Variants in LPP observed in about 807,000 individuals in gnomAD.
LPP encodes lipoma-preferred partner.
A neutral mutation model predicts 60.4 loss-of-function variants in LPP; 38 were observed. That is an observed-to-expected ratio of 0.63 (90% CI 0.49 to 0.83). LPP has a LOEUF of 0.83. LPP is among the 40% of genes least tolerant of loss of function. The pLI, the probability that LPP is intolerant of heterozygous loss-of-function variation, is 0.00. For missense variants in LPP, 902 were observed against 783.6 expected (o/e 1.15, Z -1.80); for synonymous variants, 328 against 290.8 (o/e 1.13, Z -1.30).
intron 4 of LPP, among the ~76,000 whole-genome samples, chr3:188,470,319 C>CACACAA (rs138685539): frequency 2.7e-5 from 4 of 148,874 alleles, no homozygotes; most frequent in Non-Finnish European, 5.9e-5. Context: ...CACACACACA[C>CACACAA]GCACACATAA....
At chr3:188,653,464 GT>G (rs961093210) in intron 7 of LPP, among the ~76,000 whole-genome samples, 1 of 151,384 alleles carries the variant, frequency 6.6e-6, no homozygotes, top group Non-Finnish European at 1.5e-5. Context: ...TTATAGCACT[GT>G]TTTTTTTAAT....
intron 2 of LPP, among the ~76,000 whole-genome samples, chr3:188,271,936 A>G (rs193058231): frequency 5.1e-4 from 78 of 152,286 alleles, no homozygotes; most frequent in African/African-American, 1.8e-3. Context: ...CATGCTGAGA[A>G]TGAAGAACCA....
chr3:188,805,822 AT>A (rs1577676829), intron 9 of LPP, among the ~76,000 whole-genome samples: 2 of 151,424 alleles, frequency 1.3e-5, no homozygotes, highest in African/African-American at 2.4e-5. Context: ...GTATCTAGTA[AT>A]TTTTTTGACG....
chr3:188,512,930 A>G (rs1034681362), intron 5 of LPP, among the ~76,000 whole-genome samples: 12 of 152,228 alleles, frequency 7.9e-5, no homozygotes, highest in Non-Finnish European at 1.8e-4. Flanking sequence ...AATCAATAGC[A>G]AAATTACCTG....
intron 6 of LPP, among the ~76,000 whole-genome samples, chr3:188,595,875 A>C (rs943554090): frequency 1.2e-4 from 19 of 152,244 alleles, no homozygotes; most frequent in South Asian, 1.2e-3. Context: ...GAAGGGAGCT[A>C]CCTTAACTGT....
intron 7 of LPP, among the ~76,000 whole-genome samples, chr3:188,693,122 T>C (rs933752490): frequency 4.6e-5 from 7 of 152,230 alleles, no homozygotes; most frequent in African/African-American, 1.7e-4. Flanking sequence ...AAACTCATTT[T>C]ATTCTCATTA....
In LPP at chr3:188,879,310, C is replaced by T. The variant is rs1411923526; in HGVS notation, c.*4831C>T. ...CTCTTCTTATTTTCTTTCCTACTTT[C>T]CATCCTACCTATTAGTGTTGCTGTA... On this transcript the variant is annotated 3_prime_UTR_variant, in exon 12 of 12. Coordinates refer to ENST00000617246, the MANE Select transcript of LPP (RefSeq NM_001375462.1). 1 of 226,474 alleles carries T rather than the reference C, an allele frequency of 4.4e-6. No individual in the cohort carries two copies. Among genetic ancestry groups the T allele is most frequent in the Non-Finnish European group, 8.8e-6 (1 of 113,878 alleles). 14.0% of individuals were successfully genotyped at this position (226,474 alleles called of 1,614,324 possible). A position where few individuals can be genotyped will look rare whatever the true frequency, so the allele number is the denominator to read the frequency against.
At chr3:188,270,951 A>G (rs1444071639) in intron 2 of LPP, among the ~76,000 whole-genome samples, 1 of 152,184 alleles carries the variant, frequency 6.6e-6, no homozygotes, top group African/African-American at 2.4e-5. Context: ...TTTTTAATCA[A>G]TGGCAAAGTA....
intron 4 of LPP, among the ~76,000 whole-genome samples, chr3:188,429,059 T>C (rs779457223): frequency 6.6e-6 from 1 of 152,194 alleles, no homozygotes; most frequent in Non-Finnish European, 1.5e-5. Flanking sequence ...CTTTCTATAG[T>C]GAGACAGCAC....
At chr3:188,432,128 AT>A (rs1791048306) in intron 4 of LPP, among the ~76,000 whole-genome samples, 1 of 152,016 alleles carries the variant, frequency 6.6e-6, no homozygotes, top group Non-Finnish European at 1.5e-5. Flanking sequence ...TAATATTTCC[AT>A]TTTTCAAGTG....
intron 9 of LPP, among the ~76,000 whole-genome samples, chr3:188,834,324 GTTTTT>G (rs71867135): frequency 4.3e-3 from 145 of 34,106 alleles, no homozygotes; most frequent in African/African-American, 0.018. Flanking sequence ...CTTTTTGGGT[GTTTTT>G]TTTTTTTTTT....
intron 4 of LPP, among the ~76,000 whole-genome samples, chr3:188,482,599 ATT>A (rs34140860): frequency 0.16 from 25,007 of 151,990 alleles, 2,294 homozygotes; most frequent in East Asian, 0.27. Context: ...CAAGATTCTG[ATT>A]GAATTGCTGT....
intron 8 of LPP, among the ~76,000 whole-genome samples, chr3:188,755,994 G>T: frequency 6.6e-6 from 1 of 152,036 alleles, no homozygotes; most frequent in Non-Finnish European, 1.5e-5. Flanking sequence ...CTTCAGATTA[G>T]CTCCATTATT....
chr3:188,811,206 C>G (rs1235459495), intron 9 of LPP, among the ~76,000 whole-genome samples: 1 of 151,964 alleles, frequency 6.6e-6, no homozygotes, highest in African/African-American at 2.4e-5. Flanking sequence ...ATCATTTAGA[C>G]TGTAACATAA....
At chr3:188,812,109 G>A (rs73199020) in intron 9 of LPP, among the ~76,000 whole-genome samples, 10,472 of 152,084 alleles carry the variant, frequency 0.069, 488 homozygotes, top group Middle Eastern at 0.11. Context: ...CTAGGTCAAG[G>A]TTGAGTACGT....
intron 1 of LPP, among the ~76,000 whole-genome samples, chr3:188,220,091 T>C (rs1715206881): frequency 6.6e-6 from 1 of 152,198 alleles, no homozygotes; most frequent in Non-Finnish European, 1.5e-5. Context: ...TCACTGTCAG[T>C]TAACTTGCTT....
chr3:188,815,821 G>A (rs1372583619), intron 9 of LPP, among the ~76,000 whole-genome samples: 2 of 152,200 alleles, frequency 1.3e-5, no homozygotes, highest in East Asian at 1.9e-4. Flanking sequence ...GTTCAGGGAA[G>A]ACTAGCTGTT....
At chr3:188,225,954 T>C (rs1240813426) in intron 2 of LPP, among the ~76,000 whole-genome samples, 1 of 152,218 alleles carries the variant, frequency 6.6e-6, no homozygotes, top group Non-Finnish European at 1.5e-5. Context: ...TATTATTGAG[T>C]GTCTCTTGTT....
chr3:188,475,669 G>T (rs1432014655), intron 4 of LPP, among the ~76,000 whole-genome samples: 1 of 152,146 alleles, frequency 6.6e-6, no homozygotes, highest in Non-Finnish European at 1.5e-5. Context: ...TTGGGAGGCC[G>T]AGGCGGGCGG....
Sources: allele counts gnomAD v4.1 joint callset (sites outside exome capture counted in the v4.1 genomes callset), GRCh38; gene constraint gnomAD v4.1.1; transcripts MANE v1.5; gene names NCBI Gene and HGNC (gene_info 2026-07-23, HGNC 2026-07-21).